The following HSP90AA1 variants were observed in gnomAD, a reference collection of about 807,000 sequenced individuals.
HSP90AA1 encodes heat shock protein 90 alpha family class A member 1.
In HSP90AA1, 18 loss-of-function variants were observed where a neutral mutation model predicts 73.3. The observed-to-expected ratio is 0.25, with a 90% confidence interval of 0.17 to 0.36. The LOEUF (loss-of-function observed/expected upper bound fraction) is 0.36. Ranked by LOEUF, HSP90AA1 falls within the 10% of genes least tolerant of loss-of-function variation. The probability of loss-of-function intolerance (pLI) is 1.00; values close to 1 mark genes in which losing one functional copy is unlikely to be tolerated. For synonymous variants in HSP90AA1, 477 were observed against 296.9 expected (o/e 1.61, Z -6.24); for missense variants, 704 against 874.2 (o/e 0.81, Z 2.45).
intron 1 of HSP90AA1, among the ~76,000 whole-genome samples, chr14:102,117,249 G>T (rs1048542662): frequency 6.6e-6 from 1 of 152,122 alleles, no homozygotes; most frequent in African/African-American, 2.4e-5. Context: ...GGGTGGAAAG[G>T]GGTGGGTCCC....
chr14:102,101,479 C>A (rs2049492464), intron 2 of HSP90AA1, among the ~76,000 whole-genome samples: 1 of 152,258 alleles, frequency 6.6e-6, no homozygotes, highest in Admixed American at 6.5e-5. Context: ...CTTCACGCCC[C>A]TCCTGCCCAC....
intron 1 of HSP90AA1, among the ~76,000 whole-genome samples, chr14:102,103,672 T>C (rs555936035): frequency 1.9e-4 from 29 of 151,650 alleles, no homozygotes; most frequent in Non-Finnish European, 3.4e-4. Flanking sequence ...GGTATGGCAG[T>C]AGATGCCTGT....
At chr14:102,085,725 G>A (rs762450499) in intron 3 of HSP90AA1, 33 bp downstream of exon 3, 11 of 1,613,398 alleles carry the variant, frequency 6.8e-6, no homozygotes, top group Admixed American at 5.0e-5. Flanking sequence ...CCCTTCCACC[G>A]CTCACTTAAC....
At chr14:102,093,771 GA>G (rs1595665261) in intron 2 of HSP90AA1, among the ~76,000 whole-genome samples, 1 of 152,104 alleles carries the variant, frequency 6.6e-6, no homozygotes, top group Admixed American at 6.6e-5. Flanking sequence ...TCAGGAGTTA[GA>G]GACCAGCCTG....
upstream of HSP90AA1, among the ~76,000 whole-genome samples, chr14:102,087,936 T>TG (rs1249319572): frequency 9.2e-5 from 12 of 131,052 alleles, no homozygotes; most frequent in African/African-American, 3.6e-4. Flanking sequence ...AAAAGGTTTT[T>TG]TTTTTTTTTT....
chr14:102,124,062 C>T (rs769620275), intron 1 of HSP90AA1, among the ~76,000 whole-genome samples: 28 of 151,902 alleles, frequency 1.8e-4, no homozygotes, highest in Non-Finnish European at 3.5e-4. Context: ...GGATTACAGG[C>T]GGAAACTACC....
intron 1 of HSP90AA1, among the ~76,000 whole-genome samples, chr14:102,123,568 A>G (rs966578604): frequency 2.0e-5 from 3 of 150,494 alleles, no homozygotes; most frequent in Non-Finnish European, 4.4e-5. Context: ...AAGAGATTGC[A>G]TCTCACTATG....
intron 1 of HSP90AA1, among the ~76,000 whole-genome samples, chr14:102,126,581 GTGGCGCAACCAC>G: frequency 6.6e-6 from 1 of 151,840 alleles, no homozygotes; most frequent in Non-Finnish European, 1.5e-5. Context: ...CTGGAGTGCA[GTGGCGCAACCAC>G]GACTCACTGC....
At position 102,108,403 on chromosome 14, in the gene HSP90AA1, T is replaced by A. The variant is rs190565313; in HGVS notation, c.156-6318A>T. Among the ~76,000 whole-genome samples the A allele has an allele frequency of 2.7e-3, 414 of 151,976 alleles. 9 individuals are homozygous for A. The highest frequency in any genetic ancestry group is 9.1e-3 in the African/African-American group (375 of 41,340). On this transcript the variant is annotated intron_variant, in intron 1 of 11. Coordinates refer to the HSP90AA1 transcript ENST00000334701. The stretch of plus-strand genomic sequence containing the variant: ...GGTGCCTAGCTTTGAATTCTTTTTT[T>A]AAAAATTGTTTTATTAATAGCAGTT...
chr14:102,108,427 T>A (rs1186770834), intron 1 of HSP90AA1, among the ~76,000 whole-genome samples: 1 of 151,786 alleles, frequency 6.6e-6, no homozygotes, highest in African/African-American at 2.4e-5. Context: ...TTAATAGCAG[T>A]TTTTTAGTTG....
intron 1 of HSP90AA1, among the ~76,000 whole-genome samples, chr14:102,128,092 C>A (rs1313616041): frequency 1.3e-5 from 2 of 152,182 alleles, no homozygotes; most frequent in Non-Finnish European, 2.9e-5. Flanking sequence ...GGAGGCAGTG[C>A]AGTGTGGGAG....
At chr14:102,139,088 A>T (rs1251551568) in intron 1 of HSP90AA1, among the ~76,000 whole-genome samples, 1 of 152,200 alleles carries the variant, frequency 6.6e-6, no homozygotes, top group Non-Finnish European at 1.5e-5. Context: ...GAACAGCTGG[A>T]GAGGACAAAC....
intron 4 of HSP90AA1, 60 bp downstream of exon 4, chr14:102,085,237 AG>A: frequency 6.5e-7 from 1 of 1,544,480 alleles, no homozygotes; most frequent in South Asian, 1.1e-5. Flanking sequence ...CTAAGGATGT[AG>A]TACAGTCACC....
At chr14:102,093,575 G>T (rs1165805341) in intron 2 of HSP90AA1, among the ~76,000 whole-genome samples, 1 of 152,048 alleles carries the variant, frequency 6.6e-6, no homozygotes, top group Non-Finnish European at 1.5e-5. Flanking sequence ...GAGCCAGATT[G>T]TGAATTCTGG....
chr14:102,120,212 C>T (rs1044029356), intron 1 of HSP90AA1, among the ~76,000 whole-genome samples: 5 of 151,840 alleles, frequency 3.3e-5, no homozygotes, highest in African/African-American at 7.2e-5. Flanking sequence ...AAAGATAATT[C>T]GCTAGGCATG....
chr14:102,088,688 C>G (rs1595662360), upstream of HSP90AA1, among the ~76,000 whole-genome samples: 1 of 152,090 alleles, frequency 6.6e-6, no homozygotes, highest in Non-Finnish European at 1.5e-5. Context: ...GGGAGGAATC[C>G]GGAAGCAGGA....
chr14:102,084,060 G>A (rs754457935), intron 6 of HSP90AA1, 77 bp from the exon 7 acceptor site: 37 of 1,114,174 alleles, frequency 3.3e-5, no homozygotes, highest in East Asian at 4.8e-5. Flanking sequence ...CAAAATCAAA[G>A]ATAACCTGAA....
chr14:102,105,881 C>T (rs1157982614), intron 1 of HSP90AA1, among the ~76,000 whole-genome samples: 1 of 152,110 alleles, frequency 6.6e-6, no homozygotes, highest in Non-Finnish European at 1.5e-5. Context: ...ACCAGCCTGG[C>T]CAACATGGTG....
chr14:102,136,497 A>G (rs1250918287), intron 1 of HSP90AA1, among the ~76,000 whole-genome samples: 1 of 138,886 alleles, frequency 7.2e-6, no homozygotes, highest in Non-Finnish European at 1.5e-5. Flanking sequence ...TGAACCCGGG[A>G]GGCAGAGGTT....
Sources: gnomAD v4.1 joint callset for allele counts (sites outside exome capture counted in the v4.1 genomes callset) on GRCh38, gnomAD v4.1.1 for gene constraint, MANE v1.5 for transcripts, NCBI Gene and HGNC (gene_info 2026-07-23, HGNC 2026-07-21) for gene names.